The following TMEM38B variants were observed in gnomAD, a reference collection of about 807,000 sequenced individuals.
The protein encoded by TMEM38B is trimeric intracellular cation channel type B.
Under a neutral mutation model 28.7 loss-of-function variants are expected in TMEM38B, and 24 were observed. The ratio of observed to expected loss-of-function variants is 0.84; its 90% CI spans 0.61 to 1.18. The LOEUF is 1.18. TMEM38B is among the 50% of genes most tolerant of loss of function. The pLI, the probability that TMEM38B is intolerant of heterozygous loss-of-function variation, is 0.00. For synonymous variants in TMEM38B, 131 were observed against 127.7 expected (o/e 1.03, Z -0.17); for missense variants, 380 against 350.9 (o/e 1.08, Z -0.66).
intron 4 of TMEM38B, among the ~76,000 whole-genome samples, chr9:105,740,809 TTCTAA>T (rs1401649634): frequency 6.6e-5 from 10 of 152,200 alleles, no homozygotes; most frequent in African/African-American, 1.9e-4. Flanking sequence ...TAAAAGAAAC[TTCTAA>T]TCTATTGTTT....
intron 4 of TMEM38B, 32 bp downstream of exon 4, chr9:105,722,653 AT>A: frequency 6.4e-7 from 1 of 1,552,680 alleles, no homozygotes; most frequent in Non-Finnish European, 8.9e-7. Flanking sequence ...TGAGACCTAG[AT>A]GTTTATCCTT....
intron 5 of TMEM38B, among the ~76,000 whole-genome samples, chr9:105,761,988 C>T (rs1454205184): frequency 6.6e-6 from 1 of 152,038 alleles, no homozygotes; most frequent in Non-Finnish European, 1.5e-5. Flanking sequence ...TCTGCTTGAT[C>T]GACTTGGTAC....
At chr9:105,746,773 A>C (rs1047970827) in intron 4 of TMEM38B, among the ~76,000 whole-genome samples, 1 of 152,216 alleles carries the variant, frequency 6.6e-6, no homozygotes, top group Non-Finnish European at 1.5e-5. Flanking sequence ...ATTTATTGAA[A>C]GTTATTAGCA....
chr9:105,746,386 A>G (rs1174103505), intron 4 of TMEM38B, among the ~76,000 whole-genome samples: 1 of 152,046 alleles, frequency 6.6e-6, no homozygotes, highest in Non-Finnish European at 1.5e-5. Flanking sequence ...TTTGTCTGTT[A>G]TTGGTGTATA....
At chr9:105,739,305 CTT>C (rs769439573) in intron 4 of TMEM38B, among the ~76,000 whole-genome samples, 7 of 136,818 alleles carry the variant, frequency 5.1e-5, no homozygotes, top group African/African-American at 7.9e-5. Flanking sequence ...TAACTTGGTT[CTT>C]TTTTTTTTTT....
In TMEM38B at chr9:105,694,780, C is replaced by G. The variant is rs563493495; in HGVS notation, c.112+8C>G. 7.5e-7 allele frequency: 1 copy of G among 1,334,254 alleles called. No homozygotes were observed. The highest frequency in any genetic ancestry group is 4.9e-5 in the East Asian group (1 of 20,358). 82.7% of individuals were successfully genotyped at this position (1,334,254 alleles called of 1,614,324 possible). On this transcript the variant is annotated splice_region_variant and intron_variant, in intron 1 of 5. Transcript: ENST00000374692. ...CGGTGAAACGTCAGCCGGGTGAGTG[C>G]GGGGCGCCGCGGGCCGGACCCCTCA...
intron 1 of TMEM38B, among the ~76,000 whole-genome samples, chr9:105,699,080 T>G (rs186736923): frequency 9.9e-5 from 15 of 152,244 alleles, no homozygotes; most frequent in African/African-American, 3.4e-4. Context: ...CTATGGTAAT[T>G]TTTTTACACT....
chr9:105,720,828 C>T (rs1341252140), intron 2 of TMEM38B, among the ~76,000 whole-genome samples: 3 of 152,064 alleles, frequency 2.0e-5, no homozygotes, highest in African/African-American at 7.2e-5. Flanking sequence ...ATAGATCTTA[C>T]TGCTAGTATT....
chr9:105,704,110 A>G (rs1242240323), intron 1 of TMEM38B, among the ~76,000 whole-genome samples: 1 of 151,964 alleles, frequency 6.6e-6, no homozygotes, highest in Non-Finnish European at 1.5e-5. Context: ...GAGGGATAGC[A>G]TCAGGCGATA....
intron 2 of TMEM38B, chr9:105,710,687 G>A (rs548715897): frequency 2.9e-5 from 20 of 687,414 alleles, no homozygotes; most frequent in African/African-American, 7.1e-5. Context: ...GGATCATAAC[G>A]ACCAAATTCA....
At chr9:105,735,659 T>C (rs896549759) in intron 4 of TMEM38B, among the ~76,000 whole-genome samples, 5 of 152,230 alleles carry the variant, frequency 3.3e-5, no homozygotes, top group African/African-American at 7.2e-5. Flanking sequence ...ACTAATGATA[T>C]AATGGAGATT....
intron 5 of TMEM38B, among the ~76,000 whole-genome samples, chr9:105,767,617 C>T (rs966074887): frequency 6.6e-6 from 1 of 152,012 alleles, no homozygotes; most frequent in African/African-American, 2.4e-5. Context: ...TTTTGGAGTA[C>T]TATTTTGTGG....
intron 5 of TMEM38B, among the ~76,000 whole-genome samples, chr9:105,773,503 G>A (rs549892527): frequency 5.5e-4 from 84 of 152,226 alleles, no homozygotes; most frequent in African/African-American, 2.0e-3. Context: ...TAGTTGTTGG[G>A]TTAAAGTTAA....
Position 105,774,004 on chromosome 9 carries a change from T to C in TMEM38B, c.800T>C (p.Val267Ala). The C allele has an allele frequency of 6.2e-7, 1 of 1,613,770 alleles. No individual in the cohort carries two copies. Among genetic ancestry groups the C allele is most frequent in the Non-Finnish European group, 8.5e-7 (1 of 1,179,790 alleles). ...GAAGCAAAGTCACCTTCCAATGGCGTTGGGTCATTGGCCTCAAAGCCGGTA... is the reference window on the plus strand; with the variant it reads ...GAAGCAAAGTCACCTTCCAATGGCGCTGGGTCATTGGCCTCAAAGCCGGTA... ...KSEAKSPSNG[V>A]GSLASKPVDV... Residue 267 changes from valine (V) to alanine (A), a missense_variant, in exon 6 of 6, where the codon GTT becomes GCT. By Grantham distance (64) the Val-to-Ala change is moderately conservative. Coordinates refer to ENST00000374692, the MANE Select transcript of TMEM38B (RefSeq NM_018112.3).
At chr9:105,762,763 G>C (rs953429466) in intron 5 of TMEM38B, among the ~76,000 whole-genome samples, 2 of 148,968 alleles carry the variant, frequency 1.3e-5, no homozygotes, top group Non-Finnish European at 3.0e-5. Flanking sequence ...AGTCCTTTGG[G>C]TATATACCCA....
At chr9:105,722,218 A>G (rs932777088) in intron 3 of TMEM38B, among the ~76,000 whole-genome samples, 1 of 152,142 alleles carries the variant, frequency 6.6e-6, no homozygotes, top group Admixed American at 6.6e-5. Flanking sequence ...TTTACAGTAT[A>G]CTGCACCTGA....
In TMEM38B at chr9:105,775,820, A is replaced by T. The variant is rs147611439; in HGVS notation, c.*1740A>T. ...AAAATAAGTTATTTAGCACCAATGG[A>T]GTATTACATTATTTTTATGTTTTAT... On this transcript the variant is annotated 3_prime_UTR_variant, in exon 6 of 6. Transcript: ENST00000374692. 5.6e-4 allele frequency: 85 copies of T among 152,286 alleles called. No homozygotes were observed. The highest frequency in any genetic ancestry group is 1.9e-3 in the African/African-American group (79 of 41,570). The allele number at this position is 152,286 out of a possible 1,614,324, so 9.4% of individuals were successfully genotyped here.
intron 4 of TMEM38B, among the ~76,000 whole-genome samples, chr9:105,731,631 T>C (rs1228662862): frequency 6.6e-6 from 1 of 152,200 alleles, no homozygotes; most frequent in Non-Finnish European, 1.5e-5. Flanking sequence ...ACAAAGGACA[T>C]GAACTCATCC....
At chr9:105,764,610 A>G (rs1826291941) in intron 5 of TMEM38B, among the ~76,000 whole-genome samples, 2 of 152,156 alleles carry the variant, frequency 1.3e-5, no homozygotes, top group African/African-American at 2.4e-5. Context: ...AGAACATTCC[A>G]TGCTCATGGG....
Sources: gnomAD v4.1 joint callset for allele counts (sites outside exome capture counted in the v4.1 genomes callset) on GRCh38, gnomAD v4.1.1 for gene constraint, MANE v1.5 for transcripts, NCBI Gene and HGNC (gene_info 2026-07-23, HGNC 2026-07-21) for gene names.